The following FOXN3 variants were observed in gnomAD, a reference collection of about 807,000 sequenced individuals.
FOXN3 encodes forkhead box N3, also known as forkhead box protein N3.
Under a neutral mutation model 38.4 loss-of-function variants are expected in FOXN3, and 7 were observed. That is an observed-to-expected ratio of 0.18 (90% CI 0.10 to 0.34). FOXN3 has a LOEUF of 0.34. Among genes scored for constraint, FOXN3 ranks in the 10% least tolerant of loss-of-function variants. The pLI, the probability that FOXN3 is intolerant of heterozygous loss-of-function variation, is 1.00. For synonymous variants in FOXN3, 230 were observed against 242.2 expected, an observed-to-expected ratio of 0.95 and a Z score of 0.47; for missense variants, 456 against 613.4, an observed-to-expected ratio of 0.74 and a Z score of 2.71.
intron 1 of FOXN3, among the ~76,000 whole-genome samples, chr14:89,580,846 G>A (rs920148869): frequency 3.0e-4 from 45 of 152,150 alleles, no homozygotes; most frequent in African/African-American, 1.1e-3. Flanking sequence ...TTCCCCTTCT[G>A]GGGTCAGAGG....
intron 2 of FOXN3, among the ~76,000 whole-genome samples, chr14:89,370,990 T>C (rs918281362): frequency 8.1e-6 from 1 of 123,810 alleles, no homozygotes; most frequent in African/African-American, 2.5e-5. Flanking sequence ...GTGCGTCTAT[T>C]TCAGCACCAC....
intron 2 of FOXN3, among the ~76,000 whole-genome samples, chr14:89,379,976 G>A (rs1452030002): frequency 2.6e-5 from 4 of 152,052 alleles, no homozygotes; most frequent in African/African-American, 4.8e-5. Context: ...CAATTCAAAC[G>A]CAGAATAACA....
intron 1 of FOXN3, among the ~76,000 whole-genome samples, chr14:89,454,534 A>T (rs1210284254): frequency 6.6e-6 from 1 of 152,226 alleles, no homozygotes; most frequent in South Asian, 2.1e-4. Context: ...GGATTATTTC[A>T]GATTCATTTG....
At chr14:89,524,371 C>CAAAAAAA (rs1301922423) in intron 1 of FOXN3, among the ~76,000 whole-genome samples, 5 of 6,536 alleles carry the variant, frequency 7.6e-4, no homozygotes, top group South Asian at 0.012. Context: ...GACTCCATCT[C>CAAAAAAA]AAAAAAAAAA....
chr14:89,171,183 T>C (rs1256743670), intron 5 of FOXN3, among the ~76,000 whole-genome samples: 2 of 152,160 alleles, frequency 1.3e-5, no homozygotes, highest in East Asian at 3.9e-4. Flanking sequence ...TGAATAACTC[T>C]TTGCCAATAT....
chr14:89,550,818 A>G (rs867260470), intron 1 of FOXN3, among the ~76,000 whole-genome samples: 1 of 152,230 alleles, frequency 6.6e-6, no homozygotes, highest in African/African-American at 2.4e-5. Flanking sequence ...ACTGATTTTA[A>G]TACCATGCTT....
chr14:89,443,482 G>A (rs1380615551), intron 1 of FOXN3, among the ~76,000 whole-genome samples: 1 of 152,194 alleles, frequency 6.6e-6, no homozygotes, highest in East Asian at 1.9e-4. Flanking sequence ...GATATTCAAG[G>A]AATGTTTTGG....
intron 2 of FOXN3, among the ~76,000 whole-genome samples, chr14:89,393,664 G>GA (rs1566976189): frequency 6.6e-6 from 1 of 152,026 alleles, no homozygotes; most frequent in Non-Finnish European, 1.5e-5. Context: ...CACACAGAGG[G>GA]AAAAAAGATC....
rs76419297 is a variant in FOXN3 at position 89,181,091 on chromosome 14, C to T, written c.746-285G>A. On this transcript the variant is annotated intron_variant, in intron 4 of 5. Transcript: ENST00000557258. ...GCACACACACACGTGCACACACACA[C>T]GGGGAAACAGAGACAGAAAAAGATA... Among the ~76,000 whole-genome samples, 1,382 of 151,720 alleles carry T rather than the reference C, an allele frequency of 9.1e-3. 6 individuals are homozygous for T. Among genetic ancestry groups the T allele is most frequent in the Admixed American group, 0.015 (232 of 15,240 alleles).
chr14:89,225,512 G>A (rs1884609224), intron 4 of FOXN3, among the ~76,000 whole-genome samples: 1 of 151,852 alleles, frequency 6.6e-6, no homozygotes, highest in African/African-American at 2.4e-5. Flanking sequence ...GCTGAGGCAG[G>A]AGAATGGCGT....
At chr14:89,363,183 A>G (rs1397971344) in intron 2 of FOXN3, among the ~76,000 whole-genome samples, 1 of 152,082 alleles carries the variant, frequency 6.6e-6, no homozygotes, top group African/African-American at 2.4e-5. Flanking sequence ...CCTGCTCAGG[A>G]AGCCCCTCCA....
At position 89,350,493 on chromosome 14, in the gene FOXN3, G is replaced by A. The variant is rs534223427; in HGVS notation, c.680+179C>T. On this transcript the variant is annotated intron_variant, in intron 3 of 5. Transcript: ENST00000557258. ...CACATTCCTCTGACGCTGCAGCAGC[G>A]GTAAGGTTTGTAGGAAATACAACAG... is the stretch of plus-strand genomic sequence containing the variant. 2.1e-5 allele frequency: 10 copies of A among 467,698 alleles called. No homozygotes were observed. The East Asian group carries it at 2.5e-4, about 12-fold the overall frequency. The allele number at this position is 467,698 out of a possible 1,614,324, so 29.0% of individuals were successfully genotyped here.
Position 89,156,477 on chromosome 14 carries a change from T to C in FOXN3, c.*5937A>G, listed in dbSNP as rs1295576462. The C allele has an allele frequency of 6.6e-6, 1 of 152,622 alleles. No homozygotes were observed. Among genetic ancestry groups the C allele is most frequent in the Non-Finnish European group, 1.5e-5 (1 of 68,036 alleles). The allele number at this position is 152,622 out of a possible 1,614,324, so 9.5% of individuals were successfully genotyped here. A position where few individuals can be genotyped will look rare whatever the true frequency, so the allele number is the denominator to read the frequency against. On this transcript the variant is annotated 3_prime_UTR_variant, in exon 6 of 6. Transcript: ENST00000557258. ...TATGGTTCTCCCTTTCTATTCATGA[T>C]ATTGGCAGTTTCATACAGAAAATAC...
At chr14:89,253,398 G>GTTT (rs957614131) in intron 4 of FOXN3, among the ~76,000 whole-genome samples, 7 of 152,110 alleles carry the variant, frequency 4.6e-5, no homozygotes, top group Non-Finnish European at 8.8e-5. Flanking sequence ...TTCGGTTCCA[G>GTTT]TTTTCACCAC....
intron 3 of FOXN3, among the ~76,000 whole-genome samples, chr14:89,285,537 G>A (rs11159896): frequency 0.35 from 48,517 of 137,402 alleles, 7,941 homozygotes; most frequent in Admixed American, 0.39. Flanking sequence ...AAAAAAAAAA[G>A]AGAGAGAGAA....
At chr14:89,262,288 G>A (rs765662733) in intron 4 of FOXN3, among the ~76,000 whole-genome samples, 1 of 152,220 alleles carries the variant, frequency 6.6e-6, no homozygotes, top group Admixed American at 6.5e-5. Flanking sequence ...GGCCAGCTAG[G>A]TATCTAAGAA....
chr14:89,569,911 C>T (rs1895455822), intron 1 of FOXN3, among the ~76,000 whole-genome samples: 1 of 152,082 alleles, frequency 6.6e-6, no homozygotes, highest in Admixed American at 6.5e-5. Flanking sequence ...ATTTAACTTT[C>T]TCAAGAGCTG....
intron 1 of FOXN3, among the ~76,000 whole-genome samples, chr14:89,415,338 A>G (rs1034312070): frequency 2.2e-4 from 33 of 152,178 alleles, no homozygotes; most frequent in Admixed American, 2.0e-4. Flanking sequence ...GTAGCTTCCC[A>G]GAGGAACTAA....
intron 1 of FOXN3, among the ~76,000 whole-genome samples, chr14:89,504,201 G>A (rs569812803): frequency 1.9e-4 from 29 of 152,290 alleles, no homozygotes; most frequent in African/African-American, 5.1e-4. Context: ...ATCCACTCAC[G>A]TGCATTCAGG....
Sources: allele counts gnomAD v4.1 joint callset (sites outside exome capture counted in the v4.1 genomes callset), GRCh38; gene constraint gnomAD v4.1.1; transcripts MANE v1.5; gene names NCBI Gene and HGNC (gene_info 2026-07-23, HGNC 2026-07-21).